The following SYN3 variants were observed in gnomAD, a reference collection of about 807,000 sequenced individuals.
The protein encoded by SYN3 is synapsin-3.
A neutral mutation model predicts 65.8 loss-of-function variants in SYN3; 35 were observed. The observed-to-expected ratio is 0.53, with a 90% CI of 0.41 to 0.70. The LOEUF (loss-of-function observed/expected upper bound fraction) is 0.70. Ranked by LOEUF, SYN3 falls within the 30% of genes least tolerant of loss-of-function variation. The probability of loss-of-function intolerance (pLI) is 0.00; values close to 1 mark genes in which losing one functional copy is unlikely to be tolerated. For missense variants in SYN3, 680 were observed against 749.0 expected, an observed-to-expected ratio of 0.91 and a Z score of 1.08; for synonymous variants, 270 against 292.9, an observed-to-expected ratio of 0.92 and a Z score of 0.80.
intron 6 of SYN3, among the ~76,000 whole-genome samples, chr22:32,650,455 G>A (rs1162092232): frequency 2.6e-5 from 4 of 151,790 alleles, no homozygotes; most frequent in South Asian, 2.1e-4. Flanking sequence ...TTGTGGAGAC[G>A]GAGTTTCACC....
chr22:32,751,399 A>C (rs1602057327), intron 6 of SYN3, among the ~76,000 whole-genome samples: 1 of 151,970 alleles, frequency 6.6e-6, no homozygotes, highest in Non-Finnish European at 1.5e-5. Context: ...TTTAAAGAAG[A>C]GGGGTGGGGT....
intron 1 of SYN3, among the ~76,000 whole-genome samples, chr22:33,044,335 C>T (rs2054020111): frequency 6.6e-6 from 1 of 152,162 alleles, no homozygotes; most frequent in Non-Finnish European, 1.5e-5. Flanking sequence ...ACTTTGACAG[C>T]ACAACAGACA....
chr22:32,973,891 C>T (rs569304381), intron 3 of SYN3, among the ~76,000 whole-genome samples: 14 of 152,310 alleles, frequency 9.2e-5, no homozygotes, highest in Non-Finnish European at 1.5e-4. Flanking sequence ...TGGGTTCAAG[C>T]GATTCTCCTG....
intron 1 of SYN3, among the ~76,000 whole-genome samples, chr22:33,029,780 C>T (rs1352023608): frequency 6.6e-6 from 1 of 152,170 alleles, no homozygotes; most frequent in African/African-American, 2.4e-5. Flanking sequence ...TGACTGAGTC[C>T]AGGCCCTACG....
chr22:33,000,825 C>T (rs1467705938), intron 2 of SYN3, among the ~76,000 whole-genome samples: 1 of 152,134 alleles, frequency 6.6e-6, no homozygotes, highest in Non-Finnish European at 1.5e-5. Context: ...GGGGGCTGGC[C>T]CAGAGGCACC....
intron 3 of SYN3, among the ~76,000 whole-genome samples, chr22:32,969,306 A>G (rs1426507647): frequency 1.3e-5 from 2 of 152,170 alleles, no homozygotes; most frequent in South Asian, 2.1e-4. Context: ...AACGGGCAAC[A>G]CAGTCCATGT....
chr22:32,722,985 A>G (rs1019124793), intron 6 of SYN3, among the ~76,000 whole-genome samples: 3 of 152,238 alleles, frequency 2.0e-5, no homozygotes, highest in African/African-American at 7.2e-5. Context: ...ACACTATGGC[A>G]GATCAACAAC....
chr22:32,744,973 A>G (rs891504841), intron 6 of SYN3, among the ~76,000 whole-genome samples: 4 of 152,246 alleles, frequency 2.6e-5, no homozygotes, highest in African/African-American at 9.6e-5. Context: ...CGGGGCACCC[A>G]GCACTCTGTG....
chr22:32,809,734 G>T (rs1208454621), intron 6 of SYN3, among the ~76,000 whole-genome samples: 4 of 152,226 alleles, frequency 2.6e-5, no homozygotes, highest in Non-Finnish European at 5.9e-5. Flanking sequence ...AGGACGGTTG[G>T]TGTTTTCATA....
rs530106632 is a variant in SYN3, at chr22:32,747,142, C to G, written c.711+117773G>C. Reference sequence around the variant, plus strand: ...AACACCATTTTGTTTGAGCCTCATGCGAATCCCAGGGCTAAGTAGAGCAGT... The same window carrying G: ...AACACCATTTTGTTTGAGCCTCATGGGAATCCCAGGGCTAAGTAGAGCAGT... On this transcript the variant is annotated intron_variant, in intron 6 of 13. Coordinates refer to ENST00000358763, the MANE Select transcript of SYN3 (RefSeq NM_003490.4). Among the ~76,000 whole-genome samples the G allele has an allele frequency of 2.0e-5, 3 of 152,138 alleles. No individual in the cohort carries two copies. In the South Asian group the frequency reaches 6.2e-4, roughly 32 times the overall value.
At chr22:32,953,181 C>G (rs1380525920) in intron 3 of SYN3, among the ~76,000 whole-genome samples, 1 of 152,192 alleles carries the variant, frequency 6.6e-6, no homozygotes, top group Non-Finnish European at 1.5e-5. Context: ...GATCACAAAG[C>G]TATTGCACCA....
rs1213610289 is a variant in SYN3, at chr22:33,025,390, G to C, written c.-162-18566C>G. ...AATCGCTTGAACCCAGGAGGTGGAG[G>C]TTGCGCCACTGCACTCCAGGGTGAC... On this transcript the variant is annotated intron_variant, in intron 1 of 13. Coordinates refer to ENST00000358763, the MANE Select transcript of SYN3 (RefSeq NM_003490.4). 2.7e-5 allele frequency among the ~76,000 whole-genome samples: 4 copies of C among 148,978 alleles called. No homozygotes were observed. The South Asian group carries it at 6.4e-4, about 24-fold the overall frequency.
intron 6 of SYN3, among the ~76,000 whole-genome samples, chr22:32,647,064 C>CTGT (rs1489857764): frequency 6.6e-6 from 1 of 152,192 alleles, no homozygotes; most frequent in Non-Finnish European, 1.5e-5. Context: ...CTGTAACTGC[C>CTGT]AAAGGCTTGG....
At chr22:32,663,151 A>G (rs2147015323) in intron 6 of SYN3, among the ~76,000 whole-genome samples, 1 of 152,270 alleles carries the variant, frequency 6.6e-6, no homozygotes, top group East Asian at 1.9e-4. Context: ...TTTGTGTAGC[A>G]TGGTTGTGTA....
intron 2 of SYN3, among the ~76,000 whole-genome samples, chr22:32,990,019 C>T (rs912104863): frequency 2.3e-4 from 35 of 152,100 alleles, no homozygotes; most frequent in African/African-American, 8.2e-4. Context: ...TGAGCATCTA[C>T]TAAGGGCCCA....
intron 6 of SYN3, among the ~76,000 whole-genome samples, chr22:32,643,451 C>T (rs1005142324): frequency 1.3e-4 from 19 of 150,104 alleles, no homozygotes; most frequent in Non-Finnish European, 2.2e-4. Flanking sequence ...AATCTCGCCC[C>T]ACAGGGGTCA....
At chr22:32,798,685 CTTTTTT>C (rs751710119) in intron 6 of SYN3, among the ~76,000 whole-genome samples, 3 of 92,500 alleles carry the variant, frequency 3.2e-5, no homozygotes, top group Admixed American at 1.3e-4. Context: ...CATCTTCATT[CTTTTTT>C]TTTTTTTTTT....
intron 6 of SYN3, among the ~76,000 whole-genome samples, chr22:32,784,253 G>A (rs1204069122): frequency 6.6e-6 from 1 of 152,106 alleles, no homozygotes; most frequent in Non-Finnish European, 1.5e-5. Flanking sequence ...TTAACCAATA[G>A]AACATGGCGC....
intron 12 of SYN3, among the ~76,000 whole-genome samples, chr22:32,518,834 T>A (rs1190849754): frequency 6.6e-6 from 1 of 152,208 alleles, no homozygotes; most frequent in Non-Finnish European, 1.5e-5. Flanking sequence ...CCAATTCATA[T>A]GTTGAAACCT....
Sources: allele counts gnomAD v4.1 joint callset (sites outside exome capture counted in the v4.1 genomes callset), GRCh38; gene constraint gnomAD v4.1.1; transcripts MANE v1.5; gene names NCBI Gene and HGNC (gene_info 2026-07-23, HGNC 2026-07-21).